Variants in HOOK3 observed in about 807,000 individuals in gnomAD.
HOOK3 encodes hook microtubule tethering protein 3.
HOOK3 carries 24 observed loss-of-function variants against 116.3 expected under a neutral mutation model. That is an observed-to-expected ratio of 0.21 (90% CI 0.15 to 0.29). The LOEUF (loss-of-function observed/expected upper bound fraction) is 0.29. Ranked by LOEUF, HOOK3 falls within the 10% of genes least tolerant of loss-of-function variation. HOOK3 has a pLI of 1.00. For synonymous variants in HOOK3, 275 were observed against 283.0 expected, an observed-to-expected ratio of 0.97 and a Z score of 0.28; for missense variants, 632 against 830.2, an observed-to-expected ratio of 0.76 and a Z score of 2.93.
intron 9 of HOOK3, among the ~76,000 whole-genome samples, chr8:42,966,217 A>G (rs368325865): frequency 2.0e-5 from 3 of 152,326 alleles, no homozygotes; most frequent in East Asian, 3.9e-4. Context: ...TATCTGCAAT[A>G]TTTCAGAAAA....
In HOOK3 at chr8:42,977,218, T is replaced by A. The variant is rs866913176; in HGVS notation, c.1321+3024T>A. Among the ~76,000 whole-genome samples, 18 of 152,086 alleles carry A rather than the reference T, an allele frequency of 1.2e-4. No individual in the cohort carries two copies. The South Asian group carries it at 2.1e-3, about 18-fold the overall frequency. On this transcript the variant is annotated intron_variant, in intron 13 of 21. Coordinates refer to ENST00000307602, the MANE Select transcript of HOOK3 (RefSeq NM_032410.4). Reference sequence around the variant, plus strand: ...TTAATGAAATGACTTACAGAAAAAATTTTCTTAAATAACACTCTTGCCTGA... The same window carrying A: ...TTAATGAAATGACTTACAGAAAAAAATTTCTTAAATAACACTCTTGCCTGA...
intron 10 of HOOK3, among the ~76,000 whole-genome samples, chr8:42,967,205 C>T (rs1431166399): frequency 6.6e-6 from 1 of 152,120 alleles, no homozygotes; most frequent in Non-Finnish European, 1.5e-5. Context: ...GCCCGCCCTC[C>T]CCTTGCTCAT....
intron 1 of HOOK3, among the ~76,000 whole-genome samples, chr8:42,901,074 T>C (rs1197610147): frequency 6.6e-6 from 1 of 152,200 alleles, no homozygotes. Context: ...TAGCATCCCA[T>C]TGCCTCAACC....
At chr8:42,903,080 G>T (rs555815302) in intron 1 of HOOK3, among the ~76,000 whole-genome samples, 6 of 152,306 alleles carry the variant, frequency 3.9e-5, no homozygotes, top group Admixed American at 1.3e-4. Context: ...TTCAAAATCA[G>T]TTCCCGCAGA....
intron 2 of HOOK3, among the ~76,000 whole-genome samples, chr8:42,911,935 C>A (rs117418392): frequency 0.03 from 4,495 of 152,194 alleles, 96 homozygotes; most frequent in African/African-American, 0.055. Context: ...GTCTAGAGTT[C>A]AGAAGAGGAG....
At position 42,973,516 on chromosome 8, in the gene HOOK3, T is replaced by C; in HGVS notation, c.1233+117T>C. On this transcript the variant is annotated intron_variant, in intron 12 of 21. Coordinates refer to ENST00000307602, the MANE Select transcript of HOOK3 (RefSeq NM_032410.4). ...ATGAATTTAAAAATTAGAAATCCTATTTATTTTTAAGCTGTAGGAGAATTC... is the reference window on the plus strand; with the variant it reads ...ATGAATTTAAAAATTAGAAATCCTACTTATTTTTAAGCTGTAGGAGAATTC... 4 of 682,084 alleles carry C rather than the reference T, an allele frequency of 5.9e-6. No individual in the cohort carries two copies. The Admixed American group carries it at 1.3e-4, about 23-fold the overall frequency. 42.3% of individuals were successfully genotyped at this position (682,084 alleles called of 1,614,324 possible). A position where few individuals can be genotyped will look rare whatever the true frequency, so the allele number is the denominator to read the frequency against.
rs374834522 is a variant in HOOK3, at chr8:42,951,020, A to G, written c.468+565A>G. Among the ~76,000 whole-genome samples, 16 of 151,384 alleles carry G rather than the reference A, an allele frequency of 1.1e-4. No individual in the cohort carries two copies. In the East Asian group the frequency reaches 1.4e-3, roughly 13 times the overall value. ...AATTTTTTAAAGTGCCCTTAATGAA[A>G]TAGTAATAGCAGACTAATTCCTAAA... On this transcript the variant is annotated intron_variant, in intron 6 of 21. Coordinates refer to ENST00000307602, the MANE Select transcript of HOOK3 (RefSeq NM_032410.4).
chr8:43,006,174 C>G lies in HOOK3; in HGVS notation c.1656-1673C>G, dbSNP rs549292945. Among the ~76,000 whole-genome samples, 21 of 150,010 alleles carry G rather than the reference C, an allele frequency of 1.4e-4. 1 individual carries two copies. In the South Asian group the frequency reaches 4.4e-3, roughly 32 times the overall value. Reference sequence around the variant, plus strand: ...TAGCTGGGACTACAGGCGCCCACCACCACGCCCAGCTAATTTTTTGTATTT... The same window carrying G: ...TAGCTGGGACTACAGGCGCCCACCAGCACGCCCAGCTAATTTTTTGTATTT... On this transcript the variant is annotated intron_variant, in intron 17 of 21. Transcript: ENST00000307602.
rs1809523147 is a variant in HOOK3 at position 43,007,892 on chromosome 8, C to A, written c.1701C>A (p.Ala567=). Residue 567 remains alanine, a synonymous_variant, in exon 18 of 22, where the codon GCC becomes GCA. Transcript: ENST00000307602. ...ATAATGAACTACAGAAGAAGAGAGCCATTATTGAAGATCTCGAGCCAAGAT... is the reference window on the plus strand; with the variant it reads ...ATAATGAACTACAGAAGAAGAGAGCAATTATTGAAGATCTCGAGCCAAGAT... ...EANNELQKKR[A]IIEDLEPRFN... 2 of 1,598,710 alleles carry A rather than the reference C, an allele frequency of 1.3e-6. No individual in the cohort carries two copies.
chr8:42,901,107 A>C (rs532702805), intron 1 of HOOK3, among the ~76,000 whole-genome samples: 2 of 152,142 alleles, frequency 1.3e-5, no homozygotes, highest in African/African-American at 4.8e-5. Flanking sequence ...ATAGCACCCA[A>C]CTCACAGCCA....
intron 1 of HOOK3, among the ~76,000 whole-genome samples, chr8:42,903,925 C>T (rs566936906): frequency 5.3e-4 from 80 of 151,978 alleles, no homozygotes; most frequent in African/African-American, 1.9e-3. Flanking sequence ...CACTGCACTC[C>T]AGCCTGGGCG....
chr8:42,985,549 T>C (rs181371177), intron 14 of HOOK3, among the ~76,000 whole-genome samples: 145 of 152,312 alleles, frequency 9.5e-4, no homozygotes, highest in African/African-American at 3.3e-3. Context: ...GCTATAGTTA[T>C]GGAGGGTTTA....
In HOOK3 at chr8:43,026,669, C is replaced by CCT. The variant is rs1809938120; in HGVS notation, c.*8172_*8173dup. On this transcript the variant is annotated 3_prime_UTR_variant, in exon 22 of 22. Coordinates refer to ENST00000307602, the MANE Select transcript of HOOK3 (RefSeq NM_032410.4). ...GTTTGCCTGCCTCCTGAAACACAAA[C>CCT]CTGCAGATTGCCCCTAACTTCAGCA... 4 of 221,230 alleles carry CCT rather than the reference C, an allele frequency of 1.8e-5. No individual in the cohort carries two copies. The South Asian group carries it at 7.4e-4, about 41-fold the overall frequency. 13.7% of individuals were successfully genotyped at this position (221,230 alleles called of 1,614,324 possible). A position where few individuals can be genotyped will look rare whatever the true frequency, so the allele number is the denominator to read the frequency against.
chr8:42,920,666 T>C (rs1027681481), intron 2 of HOOK3, among the ~76,000 whole-genome samples: 2 of 152,222 alleles, frequency 1.3e-5, no homozygotes, highest in African/African-American at 4.8e-5. Context: ...AGGGCCTTAG[T>C]GTTTTGCTAG....
chr8:42,906,716 T>C (rs1438284599), intron 2 of HOOK3, among the ~76,000 whole-genome samples: 2 of 152,336 alleles, frequency 1.3e-5, no homozygotes, highest in Admixed American at 6.5e-5. Flanking sequence ...CACCATCTGA[T>C]ATACCATATA....
At position 43,022,442 on chromosome 8, in the gene HOOK3, T is replaced by C. The variant is rs1809848512; in HGVS notation, c.*3944T>C. On this transcript the variant is annotated 3_prime_UTR_variant, in exon 22 of 22. Coordinates refer to ENST00000307602, the MANE Select transcript of HOOK3 (RefSeq NM_032410.4). Reference sequence around the variant, plus strand: ...GTTGCTGTGTTGGGTTGGAGCACACTGTCACCACAGTGTCTGAAGTCTTAT... The same window carrying C: ...GTTGCTGTGTTGGGTTGGAGCACACCGTCACCACAGTGTCTGAAGTCTTAT... 1 of 201,396 alleles carries C rather than the reference T, an allele frequency of 5.0e-6. No homozygotes were observed. The highest frequency in any genetic ancestry group is 6.0e-5 in the Admixed American group (1 of 16,644). The allele number at this position is 201,396 out of a possible 1,614,324, so 12.5% of individuals were successfully genotyped here.
chr8:43,005,682 T>G (rs944126588), intron 17 of HOOK3, among the ~76,000 whole-genome samples: 2 of 151,972 alleles, frequency 1.3e-5, no homozygotes, highest in Non-Finnish European at 2.9e-5. Flanking sequence ...TATTTTTATG[T>G]TTTTAAACTA....
At chr8:42,904,603 C>G (rs1807266003) in intron 1 of HOOK3, among the ~76,000 whole-genome samples, 1 of 151,952 alleles carries the variant, frequency 6.6e-6, no homozygotes, top group African/African-American at 2.4e-5. Flanking sequence ...GAGCCACCGC[C>G]CCCGGCCAGA....
At position 43,002,114 on chromosome 8, in the gene HOOK3, T is replaced by C. The variant is rs1241063724; in HGVS notation, c.1628T>C (p.Leu543Pro). 1.3e-6 allele frequency: 2 copies of C among 1,585,478 alleles called. No individual in the cohort carries two copies. Among genetic ancestry groups the C allele is most frequent in the Admixed American group, 1.7e-5 (1 of 59,852 alleles). Residue 543 changes from leucine to proline, a missense_variant, in exon 17 of 22, where the codon CTT becomes CCT. Around this residue, in one of 3 missense-constraint regions of HOOK3, gnomAD observed 483 missense variants for 648.1 expected, o/e 0.75. Coordinates refer to ENST00000307602, the MANE Select transcript of HOOK3 (RefSeq NM_032410.4). Reference protein sequence around the residue: ...DQGSKAEDSVLLKKKLEEHLE... With the variant: ...DQGSKAEDSVPLKKKLEEHLE... ...TTTGTTTTTCATTTTTAGTCAGTCCTTCTAAAAAAGAAGCTTGAAGAACAT... is the reference window on the plus strand; with the variant it reads ...TTTGTTTTTCATTTTTAGTCAGTCCCTCTAAAAAAGAAGCTTGAAGAACAT...
Sources: gnomAD v4.1 joint callset for allele counts (sites outside exome capture counted in the v4.1 genomes callset) on GRCh38, gnomAD v4.1.1 for gene constraint, gnomAD v4.1.1 regional missense constraint, MANE v1.5 for transcripts, NCBI Gene and HGNC (gene_info 2026-07-23, HGNC 2026-07-21) for gene names.